TRAPPC9: variants seen among roughly 807,000 people sequenced by gnomAD.
TRAPPC9 encodes trafficking protein particle complex subunit 9.
Under a neutral mutation model 124.0 loss-of-function variants are expected in TRAPPC9, and 83 were observed. The ratio of observed to expected loss-of-function variants is 0.67; its 90% confidence interval spans 0.56 to 0.80. The LOEUF is 0.80. Ranked by LOEUF, TRAPPC9 falls within the 30% of genes least tolerant of loss-of-function variation. The pLI is 0.00. For synonymous variants in TRAPPC9, 638 were observed against 617.5 expected, an observed-to-expected ratio of 1.03 and a Z score of -0.49; for missense variants, 1,302 against 1,508.3, an observed-to-expected ratio of 0.86 and a Z score of 2.27.
intron 19 of TRAPPC9, among the ~76,000 whole-genome samples, chr8:139,935,047 C>T (rs558748338): frequency 3.0e-4 from 46 of 152,314 alleles, no homozygotes; most frequent in Non-Finnish European, 4.3e-4. Flanking sequence ...CCCTAGGAGA[C>T]CTGTCACTTC....
At chr8:139,971,804 C>CAT (rs1340223507) in intron 19 of TRAPPC9, among the ~76,000 whole-genome samples, 316 of 2,196 alleles carry the variant, frequency 0.14, 2 homozygotes, top group African/African-American at 0.3. Context: ...TATATATATA[C>CAT]ATATATATAT....
At chr8:140,405,440 T>TA in intron 6 of TRAPPC9, 137 bp downstream of exon 6, 5 of 890,134 alleles carry the variant, frequency 5.6e-6, no homozygotes, top group Non-Finnish European at 8.8e-6. Flanking sequence ...CATATAGTAC[T>TA]ATGCATTAGA....
At chr8:140,106,901 T>C (rs1010738829) in intron 17 of TRAPPC9, among the ~76,000 whole-genome samples, 5 of 152,194 alleles carry the variant, frequency 3.3e-5, no homozygotes, top group Admixed American at 3.3e-4. Context: ...ATTAGCAAAG[T>C]GCCTGGCACA....
chr8:139,988,164 G>A (rs897318294), intron 19 of TRAPPC9, among the ~76,000 whole-genome samples: 16 of 148,014 alleles, frequency 1.1e-4, no homozygotes, highest in Admixed American at 6.1e-4. Context: ...GCTGGAGTAC[G>A]GTGGTACGAT....
intron 17 of TRAPPC9, among the ~76,000 whole-genome samples, chr8:140,051,528 C>T (rs4471014): frequency 0.39 from 24,024 of 61,496 alleles, 4,538 homozygotes; most frequent in African/African-American, 0.56. Flanking sequence ...AAGAAACAGG[C>T]TTCCTCCTCC....
At chr8:140,404,127 T>C (rs2069385397) in intron 6 of TRAPPC9, among the ~76,000 whole-genome samples, 1 of 152,104 alleles carries the variant, frequency 6.6e-6, no homozygotes, top group South Asian at 2.1e-4. Context: ...ATTGGTGAAA[T>C]AAATAATTCT....
intron 9 of TRAPPC9, among the ~76,000 whole-genome samples, chr8:140,359,721 A>T (rs2067879977): frequency 6.6e-6 from 1 of 152,212 alleles, no homozygotes; most frequent in Admixed American, 6.5e-5. Context: ...TTTGACATTT[A>T]TATTTTTAAA....
At chr8:140,171,359 C>T (rs1427696278) in intron 17 of TRAPPC9, among the ~76,000 whole-genome samples, 1 of 152,058 alleles carries the variant, frequency 6.6e-6, no homozygotes, top group Non-Finnish European at 1.5e-5. Context: ...ATAAATGCTG[C>T]AACTTTATTT....
intron 21 of TRAPPC9, among the ~76,000 whole-genome samples, chr8:139,792,816 T>C (rs146188745): frequency 1.3e-5 from 2 of 152,300 alleles, no homozygotes; most frequent in African/African-American, 4.8e-5. Flanking sequence ...CTAGTCAGAC[T>C]TTACATCCTA....
chr8:140,339,924 C>A (rs2132051174), intron 9 of TRAPPC9, among the ~76,000 whole-genome samples: 4 of 152,232 alleles, frequency 2.6e-5, no homozygotes, highest in African/African-American at 9.6e-5. Flanking sequence ...CTCACTACAA[C>A]CTCCACCTCC....
chr8:140,053,921 T>C (rs1222881926), intron 17 of TRAPPC9, among the ~76,000 whole-genome samples: 10 of 152,238 alleles, frequency 6.6e-5, no homozygotes, highest in Non-Finnish European at 1.5e-5. Flanking sequence ...GAAATCAACC[T>C]AGATGCCCAT....
intron 21 of TRAPPC9, among the ~76,000 whole-genome samples, chr8:139,739,498 C>T (rs1332871267): frequency 1.3e-5 from 2 of 152,254 alleles, no homozygotes; most frequent in African/African-American, 4.8e-5. Context: ...CAGAGCCCGT[C>T]TCCCGGGCTG....
At chr8:139,978,736 T>C (rs1394359711) in intron 19 of TRAPPC9, among the ~76,000 whole-genome samples, 3 of 152,206 alleles carry the variant, frequency 2.0e-5, no homozygotes, top group South Asian at 4.1e-4. Context: ...CCCTCTGCAA[T>C]GCCCTTTCAC....
rs114033076 is a variant in TRAPPC9 at position 140,353,456 on chromosome 8, C to A, written c.1495+6594G>T. 3.9e-5 allele frequency among the ~76,000 whole-genome samples: 6 copies of A among 152,190 alleles called. No homozygotes were observed. The highest frequency in any genetic ancestry group is 3.9e-4 in the Admixed American group (6 of 15,280). ...GTAGCAGAGCCTACATATGGTTGAA[C>A]CTTACTCGCTCACCTGGGGCTTTTG... On this transcript the variant is annotated intron_variant, in intron 9 of 22. Coordinates refer to ENST00000438773, the MANE Select transcript of TRAPPC9 (RefSeq NM_001160372.4). This position sits in a 1 kb window ranked among gnomAD's most constrained non-coding sequence, Gnocchi z 4.2.
At chr8:139,986,943 G>C (rs956757553) in intron 19 of TRAPPC9, among the ~76,000 whole-genome samples, 1 of 152,100 alleles carries the variant, frequency 6.6e-6, no homozygotes, top group African/African-American at 2.4e-5. Flanking sequence ...CTATAGGTTG[G>C]TGTAAAAGTA....
intron 9 of TRAPPC9, among the ~76,000 whole-genome samples, chr8:140,328,567 G>A (rs534858489): frequency 2.0e-5 from 3 of 152,198 alleles, no homozygotes; most frequent in African/African-American, 7.2e-5. Context: ...TGATACAATG[G>A]ACTTTGGGGA....
At chr8:140,314,742 T>C (rs909370332) in intron 9 of TRAPPC9, among the ~76,000 whole-genome samples, 1 of 152,248 alleles carries the variant, frequency 6.6e-6, no homozygotes, top group Non-Finnish European at 1.5e-5. Flanking sequence ...GCCCTCCAGG[T>C]CCATCTGTGT....
intron 17 of TRAPPC9, among the ~76,000 whole-genome samples, chr8:140,190,455 C>A (rs957005190): frequency 3.4e-5 from 5 of 148,500 alleles, no homozygotes; most frequent in African/African-American, 7.4e-5. Context: ...CAGACTCCAT[C>A]TCAAAAGAGC....
intron 17 of TRAPPC9, among the ~76,000 whole-genome samples, chr8:140,107,822 C>T (rs2060694422): frequency 6.6e-6 from 1 of 152,076 alleles, no homozygotes. Context: ...GACTGGGGGT[C>T]ACGGAGGCAG....
Sources: allele counts gnomAD v4.1 joint callset (sites outside exome capture counted in the v4.1 genomes callset), GRCh38; gene constraint gnomAD v4.1.1; non-coding constraint Gnocchi (gnomAD v3.1); transcripts MANE v1.5; gene names NCBI Gene and HGNC (gene_info 2026-07-23, HGNC 2026-07-21).